CDC25A: variants seen among roughly 807,000 people sequenced by gnomAD.
CDC25A encodes M-phase inducer phosphatase 1.
Under a neutral mutation model 64.6 loss-of-function variants are expected in CDC25A, and 17 were observed. That is an observed-to-expected ratio of 0.26 (90% CI 0.18 to 0.39). The LOEUF (loss-of-function observed/expected upper bound fraction) is 0.39, where lower values mean the gene tolerates loss of function less well. Among genes scored for constraint, CDC25A ranks in the 10% least tolerant of loss-of-function variants. CDC25A has a pLI of 1.00. For synonymous variants in CDC25A, 229 were observed against 238.6 expected (o/e 0.96, Z 0.37); for missense variants, 473 against 654.8 (o/e 0.72, Z 3.03).
intron 13 of CDC25A, among the ~76,000 whole-genome samples, chr3:48,162,391 T>G (rs186311317): frequency 6.6e-6 from 1 of 151,602 alleles, no homozygotes; most frequent in African/African-American, 2.4e-5. Context: ...GCTCAAACGA[T>G]CCTCCCACCT....
At chr3:48,172,613 G>C (rs866387732) in intron 9 of CDC25A, among the ~76,000 whole-genome samples, 1 of 152,084 alleles carries the variant, frequency 6.6e-6, no homozygotes, top group South Asian at 2.1e-4. Context: ...CTATGATCCT[G>C]GCACTTTGGG....
intron 6 of CDC25A, chr3:48,180,337 G>A (rs1470804653): frequency 1.9e-5 from 3 of 155,616 alleles, no homozygotes; most frequent in South Asian, 4.0e-4. Context: ...CTAGTGTTAC[G>A]GCTCTTTTAA....
At chr3:48,160,041 C>CCAGCCCCTG (rs1314339093) in intron 13 of CDC25A, among the ~76,000 whole-genome samples, 2 of 152,176 alleles carry the variant, frequency 1.3e-5, no homozygotes, top group Non-Finnish European at 2.9e-5. Flanking sequence ...TCACCCCACG[C>CCAGCCCCTG]CAGCCCCTGC....
chr3:48,163,988 T>C (rs1343901435), intron 13 of CDC25A, among the ~76,000 whole-genome samples: 1 of 152,140 alleles, frequency 6.6e-6, no homozygotes, highest in Non-Finnish European at 1.5e-5. Context: ...ATATCAAGTG[T>C]TTCAAAGCAT....
chr3:48,174,148 CA>C, intron 9 of CDC25A, 135 bp downstream of exon 9: 7 of 738,446 alleles, frequency 9.5e-6, no homozygotes, highest in South Asian at 7.8e-5. Context: ...AACACACACA[CA>C]CCCACACACA....
chr3:48,186,212 T>C (rs556438765), intron 2 of CDC25A, among the ~76,000 whole-genome samples: 2 of 152,316 alleles, frequency 1.3e-5, no homozygotes, highest in East Asian at 1.9e-4. Context: ...CACCTCCTTA[T>C]AGACATTTGA....
At chr3:48,183,720 A>G in intron 4 of CDC25A, 80 bp downstream of exon 4, 1 of 856,166 alleles carries the variant, frequency 1.2e-6, no homozygotes, top group East Asian at 2.5e-5. Context: ...TCTCTAAATT[A>G]AGTCTCCTAT....
chr3:48,163,849 T>G (rs1176672835), intron 13 of CDC25A, among the ~76,000 whole-genome samples: 2 of 152,192 alleles, frequency 1.3e-5, no homozygotes, highest in African/African-American at 4.8e-5. Flanking sequence ...TACTGTGTTT[T>G]ACTGTAGTTA....
chr3:48,183,188 TGCCAGGACACA>T (rs1173744497), intron 4 of CDC25A, among the ~76,000 whole-genome samples, 158 bp from the exon 5 acceptor site: 1 of 152,174 alleles, frequency 6.6e-6, no homozygotes, highest in African/African-American at 2.4e-5. Flanking sequence ...GAATCCACCT[TGCCAGGACACA>T]GCCAGGACAC....
chr3:48,171,568 A>G lies in CDC25A; in HGVS notation c.930+2716T>C, dbSNP rs562659609. On this transcript the variant is annotated intron_variant, in intron 9 of 14. Transcript: ENST00000302506. ...GCTATTTTTTGTATTTTCAGTAGAG[A>G]CAGGGTTTCACCATATTGGCCAGGC... is the stretch of plus-strand genomic sequence containing the variant. Among the ~76,000 whole-genome samples the G allele has an allele frequency of 3.5e-3, 536 of 151,684 alleles. 3 individuals are homozygous for G. The highest frequency in any genetic ancestry group is 0.012 in the African/African-American group (504 of 41,416).
At chr3:48,161,362 A>C (rs1338290892) in intron 13 of CDC25A, 1 of 158,704 alleles carries the variant, frequency 6.3e-6, no homozygotes, top group Non-Finnish European at 1.4e-5. Context: ...ATATGGTATA[A>C]TAATGTCCTT....
intron 2 of CDC25A, among the ~76,000 whole-genome samples, chr3:48,186,119 A>C (rs1001010588): frequency 1.4e-4 from 21 of 152,334 alleles, no homozygotes. Context: ...CCTGTATTTT[A>C]ACCAGTAAGA....
intron 5 of CDC25A, chr3:48,181,764 T>C: frequency 1.5e-6 from 1 of 678,190 alleles, no homozygotes; most frequent in Non-Finnish European, 2.7e-6. Context: ...ATTTTAAAGT[T>C]CTGAGAGAAA....
chr3:48,172,105 A>T (rs2106722087), intron 9 of CDC25A, among the ~76,000 whole-genome samples: 1 of 152,104 alleles, frequency 6.6e-6, no homozygotes, highest in East Asian at 1.9e-4. Context: ...TGGAGGCTGT[A>T]CTGAGCTGTG....
rs564304212 is a variant in CDC25A at position 48,161,757 on chromosome 3, T to C, written c.1323-2302A>G. Among the ~76,000 whole-genome samples the C allele has an allele frequency of 4.6e-4, 70 of 151,924 alleles. No homozygotes were observed. The South Asian group carries it at 0.014, about 29-fold the overall frequency. On this transcript the variant is annotated intron_variant, in intron 13 of 14. Transcript: ENST00000302506. The stretch of plus-strand genomic sequence containing the variant: ...GCATCTTTTGTGGGTTTAAAAACAA[T>C]TTACATGTGTGTGTATGTGTGTCCA...
At chr3:48,186,873 G>C (rs2032863894) in intron 1 of CDC25A, 94 bp from the exon 2 acceptor site, 2 of 857,536 alleles carry the variant, frequency 2.3e-6, no homozygotes, top group African/African-American at 1.7e-5. Context: ...AAGCAGCCAG[G>C]CTGCCAGAAA....
chr3:48,185,592 A>AG (rs3731496), intron 2 of CDC25A, among the ~76,000 whole-genome samples: 58,690 of 151,870 alleles, frequency 0.39, 12,191 homozygotes, highest in African/African-American at 0.53. Flanking sequence ...TGGGAGGCAG[A>AG]GTTGCCTGGG....
chr3:48,181,475 G>T lies in CDC25A; in HGVS notation c.430-635C>A, dbSNP rs1575272126. The T allele has an allele frequency of 5.4e-6, 4 of 738,970 alleles. No homozygotes were observed. The East Asian group carries it at 1.1e-4, about 20-fold the overall frequency. The allele number at this position is 738,970 out of a possible 1,614,324, so 45.8% of individuals were successfully genotyped here. A position where few individuals can be genotyped will look rare whatever the true frequency, so the allele number is the denominator to read the frequency against. On this transcript the variant is annotated intron_variant, in intron 5 of 14. Coordinates refer to ENST00000302506, the MANE Select transcript of CDC25A (RefSeq NM_001789.3). The stretch of plus-strand genomic sequence containing the variant: ...TAAGTATTAAAAGCAGTAATGGCTA[G>T]CACTGGCGTGGGTGGCTGAGTTCCC...
chr3:48,165,606 C>A, intron 12 of CDC25A, 30 bp downstream of exon 12: 1 of 1,486,354 alleles, frequency 6.7e-7, no homozygotes, highest in East Asian at 2.3e-5. Flanking sequence ...GTTTAGGGCT[C>A]CTTCTACAGC....
Sources: allele counts gnomAD v4.1 joint callset (sites outside exome capture counted in the v4.1 genomes callset), GRCh38; gene constraint gnomAD v4.1.1; transcripts MANE v1.5; gene names NCBI Gene and HGNC (gene_info 2026-07-23, HGNC 2026-07-21).